The following CLNK variants were observed in gnomAD, a reference collection of about 807,000 sequenced individuals.
CLNK encodes cytokine-dependent hematopoietic cell linker.
Under a neutral mutation model 68.6 loss-of-function variants are expected in CLNK, and 74 were observed. The ratio of observed to expected loss-of-function variants is 1.08; its 90% CI spans 0.89 to 1.31. The LOEUF is 1.31. Ranked by LOEUF, CLNK falls within the 50% of genes most tolerant of loss-of-function variation. The pLI, the probability that CLNK is intolerant of heterozygous loss-of-function variation, is 0.00. For missense variants in CLNK, 553 were observed against 515.3 expected (o/e 1.07, Z -0.71); for synonymous variants, 198 against 172.2 (o/e 1.15, Z -1.17).
At chr4:10,684,115 C>T (rs1725182886) in intron 1 of CLNK, among the ~76,000 whole-genome samples, 1 of 152,180 alleles carries the variant, frequency 6.6e-6, no homozygotes, top group Non-Finnish European at 1.5e-5. Context: ...AAGAATTTAA[C>T]CCCAACTTTA....
At chr4:10,535,897 A>G (rs2108805012) in intron 11 of CLNK, among the ~76,000 whole-genome samples, 1 of 152,342 alleles carries the variant, frequency 6.6e-6, no homozygotes. Context: ...AAATCATAAT[A>G]ATGGTACATA....
intron 18 of CLNK, among the ~76,000 whole-genome samples, chr4:10,496,977 T>TGGGAGCGGG (rs1716834490): frequency 1.3e-5 from 2 of 152,230 alleles, no homozygotes; most frequent in African/African-American, 4.8e-5. Flanking sequence ...GTTGCTTCAT[T>TGGGAGCGGG]CTTTCCTTGC....
chr4:10,631,301 C>T, intron 2 of CLNK, among the ~76,000 whole-genome samples: 1 of 152,192 alleles, frequency 6.6e-6, no homozygotes, highest in East Asian at 1.9e-4. Context: ...CTCCAGCTGC[C>T]TTCTGCGGGA....
chr4:10,704,533 C>G, the CLNK span, among the ~76,000 whole-genome samples: 2 of 152,172 alleles, frequency 1.3e-5, no homozygotes, highest in Admixed American at 6.5e-5. Flanking sequence ...CTCCAGACCT[C>G]TTCCCTCCCT....
At chr4:10,616,807 T>TATATATATATAC (rs1722250887) in intron 2 of CLNK, among the ~76,000 whole-genome samples, 1 of 79,208 alleles carries the variant, frequency 1.3e-5, no homozygotes, top group African/African-American at 4.6e-5. Context: ...TATATATATA[T>TATATATATATAC]ATATATATAT....
At chr4:10,591,822 A>G (rs1250793036) in intron 3 of CLNK, among the ~76,000 whole-genome samples, 1 of 152,270 alleles carries the variant, frequency 6.6e-6, no homozygotes, top group Non-Finnish European at 1.5e-5. Context: ...CTCATTTTAA[A>G]TAAGTGAATC....
chr4:10,640,250 A>G (rs1192455547), intron 2 of CLNK, among the ~76,000 whole-genome samples: 1 of 151,856 alleles, frequency 6.6e-6, no homozygotes, highest in Non-Finnish European at 1.5e-5. Context: ...CTGCAACCTC[A>G]GCCTCCTCAG....
At chr4:10,674,212 G>T (rs939987427) in intron 1 of CLNK, among the ~76,000 whole-genome samples, 5 of 151,956 alleles carry the variant, frequency 3.3e-5, no homozygotes, top group African/African-American at 1.2e-4. Flanking sequence ...GAGGGACCAG[G>T]CAGAAGGAGA....
intron 2 of CLNK, among the ~76,000 whole-genome samples, chr4:10,660,748 C>T (rs1311296848): frequency 5.9e-5 from 9 of 152,224 alleles, no homozygotes. Context: ...TTGACATCCT[C>T]TATTCCCTCA....
chr4:10,595,037 C>T (rs141171351), intron 3 of CLNK, among the ~76,000 whole-genome samples: 192 of 152,038 alleles, frequency 1.3e-3, no homozygotes, highest in African/African-American at 4.0e-3. Context: ...GCGGAGATTG[C>T]GCGATTGCAC....
the CLNK span, among the ~76,000 whole-genome samples, chr4:10,709,500 C>T: frequency 6.6e-6 from 1 of 152,184 alleles, no homozygotes; most frequent in South Asian, 2.1e-4. Context: ...ACTCCTACTT[C>T]TGGTACTTTG....
intron 16 of CLNK, among the ~76,000 whole-genome samples, chr4:10,510,266 GC>G: frequency 6.6e-6 from 1 of 152,064 alleles, no homozygotes; most frequent in African/African-American, 2.4e-5. Flanking sequence ...TCTCTTTCTA[GC>G]CCCCCTGAAT....
At chr4:10,682,716 T>G (rs181080855) in intron 1 of CLNK, among the ~76,000 whole-genome samples, 55 of 152,338 alleles carry the variant, frequency 3.6e-4, no homozygotes, top group Non-Finnish European at 8.8e-5. Flanking sequence ...TTCACCATGT[T>G]GTCCTTCCTC....
intron 2 of CLNK, among the ~76,000 whole-genome samples, chr4:10,637,530 A>G (rs1723138433): frequency 7.4e-6 from 1 of 135,048 alleles, no homozygotes; most frequent in Non-Finnish European, 1.5e-5. Flanking sequence ...AATCACATGT[A>G]TGTCCTACCT....
chr4:10,527,327 A>C (rs2109054814), intron 13 of CLNK, among the ~76,000 whole-genome samples: 1 of 152,328 alleles, frequency 6.6e-6, no homozygotes, highest in Non-Finnish European at 1.5e-5. Context: ...CATAAACCCA[A>C]GTTAGGCCTC....
intron 2 of CLNK, among the ~76,000 whole-genome samples, chr4:10,663,226 C>G (rs1577205145): frequency 6.6e-6 from 1 of 152,286 alleles, no homozygotes; most frequent in South Asian, 2.1e-4. Flanking sequence ...CTAATAGCAC[C>G]GAGGAATGAG....
intron 5 of CLNK, among the ~76,000 whole-genome samples, chr4:10,566,496 A>G (rs971566370): frequency 6.6e-6 from 1 of 152,242 alleles, no homozygotes; most frequent in African/African-American, 2.4e-5. Context: ...AACCCTTAGA[A>G]GCAGAAAGAG....
intron 2 of CLNK, among the ~76,000 whole-genome samples, chr4:10,613,636 G>C (rs1477357428): frequency 6.6e-6 from 1 of 152,142 alleles, no homozygotes. Flanking sequence ...TAGAGAATAG[G>C]TATGTCATTG....
At chr4:10,596,618 T>C (rs1270215610) in intron 3 of CLNK, among the ~76,000 whole-genome samples, 1 of 152,250 alleles carries the variant, frequency 6.6e-6, no homozygotes, top group Non-Finnish European at 1.5e-5. Context: ...ATAGTTTATA[T>C]TCATATAATG....
Sources: allele counts gnomAD v4.1 joint callset (sites outside exome capture counted in the v4.1 genomes callset), GRCh38; gene constraint gnomAD v4.1.1; transcripts MANE v1.5; gene names NCBI Gene and HGNC (gene_info 2026-07-23, HGNC 2026-07-21).